Variants in ENOSF1 observed in about 807,000 individuals in gnomAD.
The protein encoded by ENOSF1 is enolase superfamily member 1.
ENOSF1 carries 73 observed loss-of-function variants against 68.2 expected under a neutral mutation model. The ratio of observed to expected loss-of-function variants is 1.07; its 90% CI spans 0.89 to 1.30. The LOEUF is 1.30. Ranked by LOEUF, ENOSF1 falls within the 50% of genes most tolerant of loss-of-function variation. The pLI is 0.00. For missense variants in ENOSF1, 589 were observed against 554.5 expected (o/e 1.06, Z -0.62); for synonymous variants, 223 against 210.4 (o/e 1.06, Z -0.52).
intron 2 of ENOSF1, among the ~76,000 whole-genome samples, chr18:698,832 G>A (rs1376527367): frequency 6.6e-6 from 1 of 151,960 alleles, no homozygotes; most frequent in African/African-American, 2.4e-5. Flanking sequence ...ATGCTTCCCA[G>A]GCTGGTCTCG....
At position 703,087 on chromosome 18, in the gene ENOSF1, G is replaced by A. The variant is rs146461019; in HGVS notation, c.193+3383C>T. 1.3e-3 allele frequency among the ~76,000 whole-genome samples: 195 copies of A among 152,278 alleles called. 7 individuals are homozygous for A. The East Asian group carries it at 0.034, about 27-fold the overall frequency. On this transcript the variant is annotated intron_variant, in intron 2 of 15. Coordinates refer to ENST00000647584, the MANE Select transcript of ENOSF1 (RefSeq NM_017512.7). ...TGTAGCAAGGTTAAAGTTAAAATGG[G>A]TTCTGTCATGTTGTGGTCTGAAAAA...
chr18:681,317 C>A (rs1196359177), intron 11 of ENOSF1, among the ~76,000 whole-genome samples: 1 of 152,218 alleles, frequency 6.6e-6, no homozygotes, highest in Non-Finnish European at 1.5e-5. Context: ...CCGCCTGGAC[C>A]TGCAGGCTCT....
intron 2 of ENOSF1, among the ~76,000 whole-genome samples, chr18:705,674 T>C (rs1337005188): frequency 1.3e-5 from 2 of 152,096 alleles, no homozygotes; most frequent in East Asian, 1.9e-4. Flanking sequence ...AAAGCCCTTT[T>C]CGCCATGAAA....
chr18:694,828 G>A (rs1196038078), intron 3 of ENOSF1, among the ~76,000 whole-genome samples: 1 of 150,436 alleles, frequency 6.6e-6, no homozygotes, highest in Non-Finnish European at 1.5e-5. Context: ...CTATATATAT[G>A]TTAAGTATAT....
chr18:691,479 G>A (rs1598670080), intron 5 of ENOSF1: 2 of 545,158 alleles, frequency 3.7e-6, no homozygotes, highest in East Asian at 3.0e-5. Context: ...CTGAGTAGCT[G>A]GGACTCCAGG....
downstream of ENOSF1, among the ~76,000 whole-genome samples, chr18:666,956 GAGATGGA>G (rs1230387957): frequency 6.6e-4 from 11 of 16,692 alleles, no homozygotes; most frequent in Non-Finnish European, 7.5e-4. Flanking sequence ...GATGGTGATG[GAGATGGA>G]GATGGTGATG....
At position 674,228 on chromosome 18, in the gene ENOSF1, C is replaced by T. The variant is rs2075236223; in HGVS notation, c.*77G>A. The T allele has an allele frequency of 9.9e-7, 1 of 1,011,126 alleles. No individual in the cohort carries two copies. The highest frequency in any genetic ancestry group is 1.5e-6 in the Non-Finnish European group (1 of 668,900). The allele number at this position is 1,011,126 out of a possible 1,614,324, so 62.6% of individuals were successfully genotyped here. On this transcript the variant is annotated 3_prime_UTR_variant, in exon 16 of 16. Coordinates refer to ENST00000647584, the MANE Select transcript of ENOSF1 (RefSeq NM_017512.7). ...TCTTGATCGGTAGGATTTTTTAAATCCATTTTTGTAAAACTATTTCCAAGA... is the reference window on the plus strand; with the variant it reads ...TCTTGATCGGTAGGATTTTTTAAATTCATTTTTGTAAAACTATTTCCAAGA...
Position 691,303 on chromosome 18 carries a change from G to A in ENOSF1, c.424-27C>T, listed in dbSNP as rs1371806839. ...TGGCAACGTGACAGGAGGGGAAGAG[G>A]CCTGAATCAATTATAAGGTGGGTTA... On this transcript the variant is annotated intron_variant, in intron 5 of 15. Transcript: ENST00000647584. 2.5e-6 allele frequency: 4 copies of A among 1,573,518 alleles called. No homozygotes were observed. In the Admixed American group the frequency reaches 5.3e-5, roughly 21 times the overall value.
At position 675,331 on chromosome 18, in the gene ENOSF1, A is replaced by T. The variant is rs1304913990; in HGVS notation, c.1220T>A (p.Met407Lys). ...CAGGCCACAGCTTACCTTGGGAGGC[A>T]TGTAGGAAGCCCGCTGGATCATCAC... ...YPVMIQRASY[M>K]PPKDPGYSTE... The change falls in exon 15 of 16, where the codon ATG (methionine) becomes AAG (lysine). Residue 407 changes from methionine (M) to lysine (K), a missense_variant. Met to Lys is a moderately conservative substitution (Grantham distance 95, BLOSUM62 -1). Transcript: ENST00000647584. The T allele has an allele frequency of 6.2e-7, 1 of 1,611,630 alleles. No homozygotes were observed. The highest frequency in any genetic ancestry group is 1.7e-5 in the Admixed American group (1 of 59,668).
intron 2 of ENOSF1, among the ~76,000 whole-genome samples, chr18:705,834 C>T (rs550343767): frequency 6.6e-6 from 1 of 151,966 alleles, no homozygotes; most frequent in South Asian, 2.1e-4. Flanking sequence ...CATGGTGAAA[C>T]CCTGTCTCTA....
intron 2 of ENOSF1, among the ~76,000 whole-genome samples, chr18:698,731 C>T (rs1413359631): frequency 6.6e-6 from 1 of 152,110 alleles, no homozygotes; most frequent in Non-Finnish European, 1.5e-5. Flanking sequence ...AGTGATCCTT[C>T]CACCTCCGCC....
intron 15 of ENOSF1, 120 bp from the exon 16 acceptor site, chr18:674,526 T>A (rs1265812923): frequency 2.2e-5 from 14 of 639,172 alleles, no homozygotes; most frequent in Admixed American, 6.4e-5. Flanking sequence ...TTAATTAATT[T>A]TTTTTTTTTT....
intron 10 of ENOSF1, among the ~76,000 whole-genome samples, chr18:685,327 T>C (rs549556859): frequency 6.6e-6 from 1 of 151,824 alleles, no homozygotes; most frequent in African/African-American, 2.4e-5. Context: ...ATTTTTATCA[T>C]AAGTTATTTG....
At chr18:687,393 T>C (rs2076712830) in intron 9 of ENOSF1, 1 of 152,174 alleles carries the variant, frequency 6.6e-6, no homozygotes, top group African/African-American at 2.4e-5. Flanking sequence ...CTTGTTCCAA[T>C]GCAGATTCCC....
chr18:694,284 G>T lies in ENOSF1; in HGVS notation c.360C>A (p.Asn120Lys), dbSNP rs751190272. The T allele has an allele frequency of 1.1e-5, 18 of 1,614,168 alleles. No homozygotes were observed. Among genetic ancestry groups the T allele is most frequent in the Non-Finnish European group, 1.5e-5 (18 of 1,180,038 alleles). Residue 120 changes from asparagine (N) to lysine (K), a missense_variant, in exon 4 of 16, where the codon AAC (asparagine) becomes AAA (lysine). Physicochemically the swap from Asn to Lys is moderately conservative, Grantham distance 94. Coordinates refer to ENST00000647584, the MANE Select transcript of ENOSF1 (RefSeq NM_017512.7). Reference sequence around the variant, plus strand: ...GCTTGGCCCACAAGTCCCACACCGCGTTTAGGACGGCCGCTGTCGCCAGGT... The same window carrying T: ...GCTTGGCCCACAAGTCCCACACCGCTTTTAGGACGGCCGCTGTCGCCAGGT... ...VVHLATAAVL[N>K]AVWDLWAKQE...
chr18:667,026 TGGTGATGGA>T (rs2074847251), downstream of ENOSF1, among the ~76,000 whole-genome samples: 1 of 13,322 alleles, frequency 7.5e-5, no homozygotes, highest in Non-Finnish European at 1.4e-4. Flanking sequence ...GAGATGGAGA[TGGTGATGGA>T]GATGGTGATG....
chr18:698,527 G>C (rs2077986654), intron 2 of ENOSF1, among the ~76,000 whole-genome samples: 1 of 152,088 alleles, frequency 6.6e-6, no homozygotes, highest in African/African-American at 2.4e-5. Context: ...TCTTACTATT[G>C]ACTTTCTTAT....
intron 1 of ENOSF1, among the ~76,000 whole-genome samples, chr18:711,971 C>T (rs574598650): frequency 2.4e-4 from 36 of 152,268 alleles, no homozygotes; most frequent in African/African-American, 8.7e-4. Context: ...ACTCCCAGCC[C>T]CGGGCTTCCC....
intron 8 of ENOSF1, 87 bp downstream of exon 8, chr18:690,462 A>C (rs1342362258): frequency 3.5e-6 from 5 of 1,421,996 alleles, no homozygotes; most frequent in Non-Finnish European, 5.0e-6. Context: ...GAAGTGAGGT[A>C]CTGAGAGTAG....
Sources: gnomAD v4.1 joint callset for allele counts (sites outside exome capture counted in the v4.1 genomes callset) on GRCh38, gnomAD v4.1.1 for gene constraint, MANE v1.5 for transcripts, NCBI Gene and HGNC (gene_info 2026-07-23, HGNC 2026-07-21) for gene names.